Variants in PRKAR1B observed in about 807,000 individuals in gnomAD.
The protein encoded by PRKAR1B is cAMP-dependent protein kinase type I-beta regulatory subunit.
A neutral mutation model predicts 46.5 loss-of-function variants in PRKAR1B; 22 were observed. The ratio of observed to expected loss-of-function variants is 0.47; its 90% CI spans 0.34 to 0.68. The LOEUF (loss-of-function observed/expected upper bound fraction) is 0.68, where lower values mean the gene tolerates loss of function less well. Among genes scored for constraint, PRKAR1B ranks in the 30% least tolerant of loss-of-function variants. The pLI, the probability that PRKAR1B is intolerant of heterozygous loss-of-function variation, is 0.01. For synonymous variants in PRKAR1B, 259 were observed against 217.7 expected, an observed-to-expected ratio of 1.19 and a Z score of -1.67; for missense variants, 445 against 535.6, an observed-to-expected ratio of 0.83 and a Z score of 1.67.
At chr7:553,887 A>G (rs569864696) in intron 9 of PRKAR1B, among the ~76,000 whole-genome samples, 1 of 152,358 alleles carries the variant, frequency 6.6e-6, no homozygotes, top group Admixed American at 6.5e-5. Flanking sequence ...TGCCGTGTTT[A>G]TGAATCCAGC....
chr7:681,845 G>A (rs560173668), intron 2 of PRKAR1B, among the ~76,000 whole-genome samples: 1 of 152,148 alleles, frequency 6.6e-6, no homozygotes, highest in South Asian at 2.1e-4. Context: ...CAGGGCCAAT[G>A]TGCCTTTCCT....
In PRKAR1B at chr7:593,871, G is replaced by A. The variant is rs2128455273; in HGVS notation, c.708+2275C>T. Among the ~76,000 whole-genome samples, 1 of 152,284 alleles carries A rather than the reference G, an allele frequency of 6.6e-6. No individual in the cohort carries two copies. Among genetic ancestry groups the A allele is most frequent in the Non-Finnish European group, 1.5e-5 (1 of 68,020 alleles). ...TGCCCCACAGGTGCATAAATGAGAA[G>A]CTCATGGGGTGCAGAATCTGATGAA... On this transcript the variant is annotated intron_variant, in intron 7 of 10. Coordinates refer to ENST00000537384, the MANE Select transcript of PRKAR1B (RefSeq NM_001164760.2). The surrounding 1 kb of genome is among the most constrained non-coding windows in gnomAD (Gnocchi z 6.1).
intron 4 of PRKAR1B, among the ~76,000 whole-genome samples, chr7:675,674 G>A (rs962742935): frequency 6.6e-6 from 1 of 152,146 alleles, no homozygotes; most frequent in Non-Finnish European, 1.5e-5. Flanking sequence ...CAGGCCGGGC[G>A]CAGTGGCTCA....
chr7:602,111 C>T lies in PRKAR1B; in HGVS notation c.549+4082G>A, dbSNP rs1158671145. On this transcript the variant is annotated intron_variant, in intron 6 of 10. Transcript: ENST00000537384. This position sits in a 1 kb window ranked among gnomAD's most constrained non-coding sequence, Gnocchi z 6.4. ...GTCGTGTCTGAGAGAAAACCGTCTCCCCTCCACTCAGGCTTCAGCCCCGAC... is the reference window on the plus strand; with the variant it reads ...GTCGTGTCTGAGAGAAAACCGTCTCTCCTCCACTCAGGCTTCAGCCCCGAC... Among the ~76,000 whole-genome samples the T allele has an allele frequency of 2.0e-5, 3 of 152,136 alleles. No homozygotes were observed. The highest frequency in any genetic ancestry group is 2.9e-5 in the Non-Finnish European group (2 of 68,026).
rs973393526 is a variant in PRKAR1B, at chr7:711,395, G to A, written c.111C>T (p.His37=). 3 of 1,614,132 alleles carry A rather than the reference G, an allele frequency of 1.9e-6. No individual in the cohort carries two copies. Among genetic ancestry groups the A allele is most frequent in the Admixed American group, 3.3e-5 (2 of 60,012 alleles). Reference sequence around the variant, plus strand: ...GGCGTTCGGGCTTGGAGATGCAGAGGTGGACGATACAGTCTTTGAGGACCT... The same window carrying A: ...GGCGTTCGGGCTTGGAGATGCAGAGATGGACGATACAGTCTTTGAGGACCT... The part of the protein sequence containing the change: ...IQQVLKDCIV[H]LCISKPERPM... Residue 37 remains histidine, a synonymous_variant, in exon 2 of 11, where the codon CAC becomes CAT. Transcript: ENST00000537384.
chr7:695,304 G>C (rs1227106263), intron 2 of PRKAR1B, among the ~76,000 whole-genome samples: 1 of 152,168 alleles, frequency 6.6e-6, no homozygotes, highest in East Asian at 1.9e-4. Context: ...GAGTAACCCA[G>C]CCCTGGGGAT....
rs544164089 is a variant in PRKAR1B at position 586,518 on chromosome 7, G to T, written c.709-1950C>A. 3.3e-5 allele frequency among the ~76,000 whole-genome samples: 5 copies of T among 152,326 alleles called. No individual in the cohort carries two copies. The East Asian group carries it at 9.7e-4, about 29-fold the overall frequency. On this transcript the variant is annotated intron_variant, in intron 7 of 10. Coordinates refer to ENST00000537384, the MANE Select transcript of PRKAR1B (RefSeq NM_001164760.2). ...TTCCTGCCACCCTCCAGCCCTGTTG[G>T]GGGGAAGCCACCACAGAAATCTCCT...
chr7:720,085 T>TCA (rs1387045467), intron 1 of PRKAR1B, among the ~76,000 whole-genome samples: 1 of 148,406 alleles, frequency 6.7e-6, no homozygotes, highest in Non-Finnish European at 1.5e-5. Flanking sequence ...AGAGGGAGTT[T>TCA]CACTCTTGTT....
At chr7:557,072 C>G (rs981571109) in intron 9 of PRKAR1B, among the ~76,000 whole-genome samples, 1 of 152,346 alleles carries the variant, frequency 6.6e-6, no homozygotes, top group South Asian at 2.1e-4. Context: ...CGGGCAGCTT[C>G]CGTTTCCAAC....
chr7:702,624 C>T (rs986662940), intron 2 of PRKAR1B, among the ~76,000 whole-genome samples: 1 of 152,084 alleles, frequency 6.6e-6, no homozygotes, highest in Admixed American at 6.6e-5. Flanking sequence ...GAGATCGAGA[C>T]CATCCTGGCT....
intron 9 of PRKAR1B, among the ~76,000 whole-genome samples, chr7:556,069 G>A (rs904951527): frequency 2.0e-5 from 3 of 152,128 alleles, no homozygotes; most frequent in African/African-American, 4.8e-5. Flanking sequence ...TGGCCAGCAC[G>A]AATTTTGCTT....
intron 4 of PRKAR1B, among the ~76,000 whole-genome samples, chr7:652,927 T>C (rs1221589890): frequency 6.6e-6 from 1 of 152,204 alleles, no homozygotes; most frequent in Non-Finnish European, 1.5e-5. Flanking sequence ...TTGGCTGGGA[T>C]GGCTGATTTC....
At chr7:575,149 G>A (rs536492354) in intron 9 of PRKAR1B, among the ~76,000 whole-genome samples, 1 of 152,360 alleles carries the variant, frequency 6.6e-6, no homozygotes, top group African/African-American at 2.4e-5. Flanking sequence ...CTCACTCGGG[G>A]TCTCCCCTGG....
intron 4 of PRKAR1B, among the ~76,000 whole-genome samples, chr7:649,875 T>G (rs1210698474): frequency 2.0e-5 from 3 of 151,772 alleles, no homozygotes; most frequent in African/African-American, 7.3e-5. Flanking sequence ...TAATTTTCTG[T>G]TTTTTTGTAG....
At chr7:604,260 T>C (rs1414509909) in intron 6 of PRKAR1B, among the ~76,000 whole-genome samples, 1 of 152,204 alleles carries the variant, frequency 6.6e-6, no homozygotes, top group African/African-American at 2.4e-5. Context: ...AGGCTTTTTT[T>C]AAACTCGAAG....
chr7:692,428 CAGAG>C (rs138479588), intron 2 of PRKAR1B, among the ~76,000 whole-genome samples: 6 of 148,418 alleles, frequency 4.0e-5, no homozygotes, highest in African/African-American at 1.5e-4. Context: ...GACAGAGAGA[CAGAG>C]AGAGAGAGAG....
intron 4 of PRKAR1B, among the ~76,000 whole-genome samples, chr7:649,119 G>A (rs753569308): frequency 7.9e-5 from 12 of 151,890 alleles, no homozygotes; most frequent in Non-Finnish European, 1.8e-4. Context: ...AGCTGAGATC[G>A]TGCCACTGCA....
At chr7:725,900 G>C (rs976865173) in intron 1 of PRKAR1B, among the ~76,000 whole-genome samples, 2 of 152,186 alleles carry the variant, frequency 1.3e-5, no homozygotes, top group African/African-American at 4.8e-5. Context: ...CCCAGGAACA[G>C]AAGACAGCAA....
intron 4 of PRKAR1B, among the ~76,000 whole-genome samples, chr7:617,867 G>A (rs1282923873): frequency 3.9e-5 from 6 of 152,240 alleles, no homozygotes; most frequent in South Asian, 4.2e-4. Flanking sequence ...GCCTCTATCC[G>A]GGCAAAGGGC....
Sources: allele counts gnomAD v4.1 joint callset (sites outside exome capture counted in the v4.1 genomes callset), GRCh38; gene constraint gnomAD v4.1.1; non-coding constraint Gnocchi (gnomAD v3.1); transcripts MANE v1.5; gene names NCBI Gene and HGNC (gene_info 2026-07-23, HGNC 2026-07-21).